Variants in LRMDA observed in about 807,000 individuals in gnomAD.
LRMDA encodes the protein leucine-rich melanocyte differentiation-associated protein.
Under a neutral mutation model 29.8 loss-of-function variants are expected in LRMDA, and 18 were observed. That is an observed-to-expected ratio of 0.60 (90% CI 0.42 to 0.90). The LOEUF (loss-of-function observed/expected upper bound fraction) is 0.90. Among genes scored for constraint, LRMDA ranks in the 40% least tolerant of loss-of-function variants. The pLI, the probability that LRMDA is intolerant of heterozygous loss-of-function variation, is 0.00. For synonymous variants in LRMDA, 125 were observed against 109.4 expected (o/e 1.14, Z -0.89); for missense variants, 273 against 273.9 (o/e 1.00, Z 0.02).
rs532385738 is a variant in LRMDA, at chr10:76,088,648, C to T, written c.516+29865C>T. ...TTTTTTGTTAATGGCCAGCCCATTC[C>T]TTATGGGTTTGTTGTTGGTGGGTTT... is the stretch of plus-strand genomic sequence containing the variant. On this transcript the variant is annotated intron_variant, in intron 5 of 6. Transcript: ENST00000611255. Among the ~76,000 whole-genome samples the T allele has an allele frequency of 1.1e-4, 16 of 152,260 alleles. No individual in the cohort carries two copies. The East Asian group carries it at 3.1e-3, about 29-fold the overall frequency.
At chr10:75,567,144 G>C (rs1840382479) in intron 2 of LRMDA, among the ~76,000 whole-genome samples, 1 of 150,806 alleles carries the variant, frequency 6.6e-6, no homozygotes, top group African/African-American at 2.4e-5. Context: ...TCTGCTATTA[G>C]TTATTTTTTT....
At chr10:76,063,411 A>G (rs779017536) in intron 5 of LRMDA, among the ~76,000 whole-genome samples, 15 of 152,286 alleles carry the variant, frequency 9.8e-5, no homozygotes, top group Admixed American at 9.1e-4. Flanking sequence ...GTATGTGTAC[A>G]CCAGAGTCAG....
chr10:76,554,331 G>A (rs1843528839), intron 6 of LRMDA, among the ~76,000 whole-genome samples: 1 of 152,194 alleles, frequency 6.6e-6, no homozygotes, highest in African/African-American at 2.4e-5. Context: ...CCCTGATGGT[G>A]TCTTTTCAGA....
intron 6 of LRMDA, among the ~76,000 whole-genome samples, chr10:76,433,070 C>T (rs902637454): frequency 2.6e-5 from 4 of 152,128 alleles, no homozygotes; most frequent in Non-Finnish European, 5.9e-5. Flanking sequence ...AGTGAAGAAC[C>T]CACTATAATG....
intron 6 of LRMDA, among the ~76,000 whole-genome samples, chr10:76,535,417 C>T (rs796599568): frequency 1.3e-5 from 2 of 151,480 alleles, no homozygotes; most frequent in African/African-American, 4.9e-5. Flanking sequence ...GCAGAAGATG[C>T]GTTGGCCTAA....
chr10:75,726,300 G>C (rs1408705447), intron 2 of LRMDA, among the ~76,000 whole-genome samples: 1 of 152,170 alleles, frequency 6.6e-6, no homozygotes, highest in African/African-American at 2.4e-5. Flanking sequence ...TTGCAGGTCT[G>C]GTGTCCCAGT....
chr10:76,251,490 G>A (rs571098398), intron 5 of LRMDA, among the ~76,000 whole-genome samples: 430 of 151,156 alleles, frequency 2.8e-3, no homozygotes, highest in Non-Finnish European at 5.3e-3. Context: ...CTGACCTCAT[G>A]ATCCACCCGC....
intron 2 of LRMDA, among the ~76,000 whole-genome samples, chr10:75,934,948 TC>T (rs1846263142): frequency 6.6e-6 from 1 of 152,218 alleles, no homozygotes; most frequent in African/African-American, 2.4e-5. Flanking sequence ...AGCGGAGATT[TC>T]CCTCTTGGGC....
intron 2 of LRMDA, among the ~76,000 whole-genome samples, chr10:75,802,968 A>T (rs868154811): frequency 2.7e-4 from 32 of 120,244 alleles, no homozygotes; most frequent in South Asian, 1.4e-3. Context: ...ATATATATAT[A>T]TATATTTTTT....
At chr10:75,781,453 G>A (rs1843381893) in intron 2 of LRMDA, among the ~76,000 whole-genome samples, 2 of 152,058 alleles carry the variant, frequency 1.3e-5, no homozygotes, top group South Asian at 4.2e-4. Context: ...AATATAGATG[G>A]GAGAAATAAA....
chr10:76,006,198 C>T (rs1470211517), intron 2 of LRMDA, among the ~76,000 whole-genome samples: 3 of 152,068 alleles, frequency 2.0e-5, no homozygotes, highest in Non-Finnish European at 4.4e-5. Flanking sequence ...GAGTGTCCAC[C>T]CACTAATATA....
At chr10:75,803,661 G>T (rs561781561) in intron 2 of LRMDA, among the ~76,000 whole-genome samples, 1 of 152,348 alleles carries the variant, frequency 6.6e-6, no homozygotes, top group East Asian at 1.9e-4. Context: ...CCCATGCAGA[G>T]TCCTTAGAGC....
intron 5 of LRMDA, among the ~76,000 whole-genome samples, chr10:76,238,962 C>T (rs1852216449): frequency 6.6e-6 from 1 of 151,870 alleles, no homozygotes; most frequent in African/African-American, 2.4e-5. Context: ...ATATTGGTGG[C>T]AATCTTAGCT....
At position 76,058,766 on chromosome 10, in the gene LRMDA, A is replaced by G; in HGVS notation, c.499A>G (p.Lys167Glu). The change falls in exon 5 of 7, where the codon AAG becomes GAG. Residue 167 changes from lysine (K) to glutamate (E), a missense_variant. Coordinates refer to ENST00000611255, the MANE Select transcript of LRMDA (RefSeq NM_001305581.2). ...EEALVRGVFM[K>E]VVKPKASSED... Reference sequence around the variant, plus strand: ...GGCGTTGGTCAGAGGAGTCTTCATGAAGGTGGTGAAGCCCAAGGTGAGCTG... The same window carrying G: ...GGCGTTGGTCAGAGGAGTCTTCATGGAGGTGGTGAAGCCCAAGGTGAGCTG... 1 of 1,613,702 alleles carries G rather than the reference A, an allele frequency of 6.2e-7. No homozygotes were observed. Among genetic ancestry groups the G allele is most frequent in the Non-Finnish European group, 8.5e-7 (1 of 1,179,634 alleles).
intron 2 of LRMDA, among the ~76,000 whole-genome samples, chr10:75,733,999 T>C (rs1842730370): frequency 6.6e-6 from 1 of 152,160 alleles, no homozygotes; most frequent in Non-Finnish European, 1.5e-5. Context: ...ATTCTTACCT[T>C]TGCTTGGGCC....
At chr10:76,418,649 C>T (rs922416105) in intron 6 of LRMDA, among the ~76,000 whole-genome samples, 1 of 151,830 alleles carries the variant, frequency 6.6e-6, no homozygotes, top group African/African-American at 2.4e-5. Flanking sequence ...ACCTCTAGTA[C>T]AATATTGAAC....
intron 2 of LRMDA, among the ~76,000 whole-genome samples, chr10:75,665,381 A>G (rs1230225392): frequency 3.9e-5 from 6 of 152,192 alleles, no homozygotes; most frequent in Admixed American, 3.3e-4. Flanking sequence ...CTGACATGAC[A>G]TTATATTGGT....
chr10:75,951,894 A>AC (rs1846581006), intron 2 of LRMDA, among the ~76,000 whole-genome samples: 1 of 152,196 alleles, frequency 6.6e-6, no homozygotes, highest in Non-Finnish European at 1.5e-5. Context: ...GAGAAACGTT[A>AC]CCTGCGGTCC....
At chr10:76,209,240 A>G (rs562226082) in intron 5 of LRMDA, among the ~76,000 whole-genome samples, 2 of 152,254 alleles carry the variant, frequency 1.3e-5, no homozygotes, top group East Asian at 3.9e-4. Context: ...ACTCTCACCT[A>G]AAAACAGACT....
Sources: allele counts gnomAD v4.1 joint callset (sites outside exome capture counted in the v4.1 genomes callset), GRCh38; gene constraint gnomAD v4.1.1; transcripts MANE v1.5; gene names NCBI Gene and HGNC (gene_info 2026-07-23, HGNC 2026-07-21).